The following TMEM117 variants were observed in gnomAD, a reference collection of about 807,000 sequenced individuals.
The protein encoded by TMEM117 is transmembrane protein 117.
Under a neutral mutation model 52.4 loss-of-function variants are expected in TMEM117, and 27 were observed. That is an observed-to-expected ratio of 0.51 (90% CI 0.38 to 0.71). TMEM117 has a LOEUF of 0.71. TMEM117 is among the 30% of genes least tolerant of loss of function. The probability of loss-of-function intolerance (pLI) is 0.00; values close to 1 mark genes in which losing one functional copy is unlikely to be tolerated. For missense variants in TMEM117, 556 were observed against 630.5 expected, an observed-to-expected ratio of 0.88 and a Z score of 1.26; for synonymous variants, 215 against 206.3, an observed-to-expected ratio of 1.04 and a Z score of -0.36.
At chr12:43,905,137 C>G (rs1472368117) in intron 2 of TMEM117, among the ~76,000 whole-genome samples, 1 of 142,346 alleles carries the variant, frequency 7.0e-6, no homozygotes, top group Non-Finnish European at 1.5e-5. Flanking sequence ...GAGCAAAACT[C>G]GGTCTCAAAA....
chr12:44,279,886 T>C (rs922884471), intron 5 of TMEM117, among the ~76,000 whole-genome samples: 1 of 152,154 alleles, frequency 6.6e-6, no homozygotes, highest in Non-Finnish European at 1.5e-5. Context: ...GTCTTTATCC[T>C]ATGAAACCTC....
intron 3 of TMEM117, among the ~76,000 whole-genome samples, chr12:44,038,761 C>G (rs570051608): frequency 1.3e-5 from 2 of 152,132 alleles, no homozygotes; most frequent in South Asian, 4.1e-4. Flanking sequence ...CTACTGAATC[C>G]TTTTTTTCTT....
intron 5 of TMEM117, among the ~76,000 whole-genome samples, chr12:44,284,494 T>C (rs746198732): frequency 5.3e-5 from 8 of 152,214 alleles, no homozygotes; most frequent in Non-Finnish European, 1.2e-4. Context: ...CAATTTAGCA[T>C]GTACCAGGTA....
At chr12:44,099,379 G>A (rs7968777) in intron 3 of TMEM117, among the ~76,000 whole-genome samples, 31,063 of 151,944 alleles carry the variant, frequency 0.2, 5,184 homozygotes, top group African/African-American at 0.47. Context: ...GTATGCCACA[G>A]TGGACTTGGT....
intron 3 of TMEM117, among the ~76,000 whole-genome samples, chr12:43,988,524 G>A (rs1350979556): frequency 6.6e-6 from 1 of 152,114 alleles, no homozygotes; most frequent in Non-Finnish European, 1.5e-5. Flanking sequence ...ATGAAAGTAT[G>A]TAGTCTTGAG....
At chr12:44,395,798 T>G in the TMEM117 span, among the ~76,000 whole-genome samples, 1 of 152,190 alleles carries the variant, frequency 6.6e-6, no homozygotes, top group Non-Finnish European at 1.5e-5. Flanking sequence ...GACTTGGAAG[T>G]GGCATATATC....
At chr12:44,338,002 T>G (rs1047269194) in intron 6 of TMEM117, among the ~76,000 whole-genome samples, 1 of 152,110 alleles carries the variant, frequency 6.6e-6, no homozygotes, top group Admixed American at 6.6e-5. Context: ...TATTGATTTC[T>G]GATTTTAAGG....
chr12:44,383,386 G>T (rs138638616), intron 7 of TMEM117, among the ~76,000 whole-genome samples: 2,705 of 152,094 alleles, frequency 0.018, 31 homozygotes, highest in Non-Finnish European at 0.024. Flanking sequence ...CTTTTAAAAT[G>T]ATCTATCCTC....
At chr12:44,286,373 AT>A (rs1565674575) in intron 5 of TMEM117, among the ~76,000 whole-genome samples, 1 of 151,642 alleles carries the variant, frequency 6.6e-6, no homozygotes, top group East Asian at 1.9e-4. Context: ...TGAAGTTTCT[AT>A]TTTTGATAGA....
intron 6 of TMEM117, among the ~76,000 whole-genome samples, chr12:44,333,168 G>C (rs1203081180): frequency 7.2e-5 from 11 of 151,974 alleles, no homozygotes; most frequent in Non-Finnish European, 1.2e-4. Context: ...TACTGGAAGT[G>C]CCTTTGATCA....
At chr12:44,366,269 C>T (rs773544460) in intron 6 of TMEM117, among the ~76,000 whole-genome samples, 1 of 151,998 alleles carries the variant, frequency 6.6e-6, no homozygotes, top group African/African-American at 2.4e-5. Context: ...TAAAGATAGG[C>T]AACTGCTAAC....
At chr12:43,876,268 A>G (rs1318275545) in intron 2 of TMEM117, among the ~76,000 whole-genome samples, 4 of 152,034 alleles carry the variant, frequency 2.6e-5, no homozygotes, top group Admixed American at 2.6e-4. Flanking sequence ...TCTCTGGCTG[A>G]TTTTGCTCTC....
At chr12:43,897,206 C>A (rs566518043) in intron 2 of TMEM117, among the ~76,000 whole-genome samples, 1 of 152,058 alleles carries the variant, frequency 6.6e-6, no homozygotes, top group African/African-American at 2.4e-5. Flanking sequence ...AAACTTCTGC[C>A]GAGAGCTGCT....
At chr12:43,856,285 A>C (rs376415072) in intron 2 of TMEM117, among the ~76,000 whole-genome samples, 2 of 152,210 alleles carry the variant, frequency 1.3e-5, no homozygotes, top group South Asian at 2.1e-4. Context: ...ATGTTGTGTC[A>C]CCATCTTCAT....
At chr12:44,178,390 T>C (rs181003267) in intron 4 of TMEM117, among the ~76,000 whole-genome samples, 3 of 152,350 alleles carry the variant, frequency 2.0e-5, no homozygotes, top group Admixed American at 2.0e-4. Context: ...ACCCCAGTCG[T>C]TTCTGCATTC....
intron 6 of TMEM117, among the ~76,000 whole-genome samples, chr12:44,312,625 T>C (rs1951005050): frequency 6.6e-6 from 1 of 152,196 alleles, no homozygotes. Context: ...ATTGAGTATA[T>C]ACCCAGTGAT....
In TMEM117 at chr12:44,388,588, C is replaced by G. The variant is rs148485854; in HGVS notation, c.1461C>G (p.Asn487Lys). The change falls in exon 8 of 8, where the codon AAC becomes AAG. Residue 487 changes from asparagine to lysine, a missense_variant. Physicochemically the swap from Asn to Lys is moderately conservative, Grantham distance 94. Transcript: ENST00000266534. Reference sequence around the variant, plus strand: ...AGTCTTCCCACCTAACCTCGGAAAACTTGAGCTCACAGTTGAACGAATCTA... The same window carrying G: ...AGTCTTCCCACCTAACCTCGGAAAAGTTGAGCTCACAGTTGAACGAATCTA... ...VYKSSHLTSE[N>K]LSSQLNESTS... 6.2e-7 allele frequency: 1 copy of G among 1,613,396 alleles called. No individual in the cohort carries two copies. The highest frequency in any genetic ancestry group is 1.3e-5 in the African/African-American group (1 of 74,882).
At chr12:44,180,621 GT>G (rs1207265379) in intron 4 of TMEM117, among the ~76,000 whole-genome samples, 1 of 150,586 alleles carries the variant, frequency 6.6e-6, no homozygotes, top group Non-Finnish European at 1.5e-5. Context: ...TTTTGTTCTT[GT>G]GATAGTTTAC....
chr12:44,382,758 T>C (rs1317966947), intron 7 of TMEM117, among the ~76,000 whole-genome samples: 1 of 152,212 alleles, frequency 6.6e-6, no homozygotes, highest in African/African-American at 2.4e-5. Flanking sequence ...CAGTTTGTTT[T>C]TAAGTCTTAA....
Sources: allele counts gnomAD v4.1 joint callset (sites outside exome capture counted in the v4.1 genomes callset), GRCh38; gene constraint gnomAD v4.1.1; transcripts MANE v1.5; gene names NCBI Gene and HGNC (gene_info 2026-07-23, HGNC 2026-07-21).